The following DNAJC21 variants were observed in gnomAD, a reference collection of about 807,000 sequenced individuals.
DNAJC21 encodes the protein dnaJ homolog subfamily C member 21.
Under a neutral mutation model 72.4 loss-of-function variants are expected in DNAJC21, and 63 were observed. The observed-to-expected ratio is 0.87, with a 90% CI of 0.71 to 1.07. The LOEUF (loss-of-function observed/expected upper bound fraction) is 1.07. DNAJC21 is among the 50% of genes least tolerant of loss of function. DNAJC21 has a pLI of 0.00. For synonymous variants in DNAJC21, 203 were observed against 216.7 expected (o/e 0.94, Z 0.56); for missense variants, 634 against 644.8 (o/e 0.98, Z 0.18).
intron 7 of DNAJC21, among the ~76,000 whole-genome samples, chr5:34,943,751 C>G (rs1464461992): frequency 6.6e-6 from 1 of 152,188 alleles, no homozygotes; most frequent in Non-Finnish European, 1.5e-5. Context: ...TCAGTTAGCA[C>G]TTGGCCTTCT....
intron 6 of DNAJC21, among the ~76,000 whole-genome samples, chr5:34,939,417 C>T (rs1432007460): frequency 2.6e-5 from 4 of 152,164 alleles, no homozygotes; most frequent in Non-Finnish European, 5.9e-5. Context: ...AGGCGCCCGC[C>T]ACCGCGCCCG....
intron 9 of DNAJC21, 78 bp downstream of exon 9, chr5:34,945,881 G>A (rs1459364310): frequency 1.0e-6 from 1 of 952,998 alleles, no homozygotes. Context: ...TGTAGTCTGT[G>A]TTAAGGAGAG....
At chr5:34,951,622 G>A (rs370919077) in intron 10 of DNAJC21, 3 of 930,404 alleles carry the variant, frequency 3.2e-6, no homozygotes. Context: ...CCGCCTCCTG[G>A]GTTCAAGCAA....
At chr5:34,930,500 G>C (rs1181250076) in intron 1 of DNAJC21, 2 of 151,834 alleles carry the variant, frequency 1.3e-5, no homozygotes, top group Admixed American at 1.3e-4. Context: ...CTTCACTTTG[G>C]ACATGATTCT....
chr5:34,948,087 C>T (rs1765232981), intron 9 of DNAJC21, among the ~76,000 whole-genome samples: 1 of 152,062 alleles, frequency 6.6e-6, no homozygotes, highest in Admixed American at 6.6e-5. Flanking sequence ...TAGCTGGGAA[C>T]CATATTCTTT....
rs115313351 is a variant in DNAJC21, at chr5:34,949,470, G to A, written c.1186-700G>A. The A allele has an allele frequency of 5.6e-3, 8,702 of 1,542,154 alleles. 48 individuals carry two copies. Among genetic ancestry groups the A allele is most frequent in the Middle Eastern group, 0.024 (140 of 5,922 alleles). ...GAGTAATTGGTAAATTTGAATGTGG[G>A]TTGTGTAACAGATAATATTAGCATT... On this transcript the variant is annotated intron_variant, in intron 9 of 11. Coordinates refer to ENST00000648817, the MANE Select transcript of DNAJC21 (RefSeq NM_001012339.3).
intron 9 of DNAJC21, chr5:34,949,534 G>A: frequency 1.3e-6 from 2 of 1,552,864 alleles, no homozygotes; most frequent in Middle Eastern, 1.7e-4. Context: ...AGAATGTTTT[G>A]ATTCTTAGGA....
chr5:34,939,545 G>A (rs536684571), intron 6 of DNAJC21, among the ~76,000 whole-genome samples: 7 of 152,288 alleles, frequency 4.6e-5, no homozygotes, highest in East Asian at 1.9e-4. Context: ...GATTACAGGC[G>A]TGAGCCACCG....
Position 34,954,843 on chromosome 5 carries a change from T to C in DNAJC21, c.*129T>C. ...ACATTGTGGAAGATTATTTTTTATC[T>C]TGTAAAAACACTTTTTTGGTTTAAT... On this transcript the variant is annotated 3_prime_UTR_variant, in exon 12 of 12. Coordinates refer to ENST00000648817, the MANE Select transcript of DNAJC21 (RefSeq NM_001012339.3). 9.1e-7 allele frequency: 1 copy of C among 1,093,306 alleles called. No individual in the cohort carries two copies. The highest frequency in any genetic ancestry group is 1.2e-6 in the Non-Finnish European group (1 of 811,758). The allele number at this position is 1,093,306 out of a possible 1,614,324, so 67.7% of individuals were successfully genotyped here. A position where few individuals can be genotyped will look rare whatever the true frequency, so the allele number is the denominator to read the frequency against.
At chr5:34,943,072 A>AT (rs1465201182) in intron 7 of DNAJC21, among the ~76,000 whole-genome samples, 1 of 152,206 alleles carries the variant, frequency 6.6e-6, no homozygotes, top group Non-Finnish European at 1.5e-5. Flanking sequence ...CCGTCTCAAA[A>AT]TAAAAAAAAA....
At chr5:34,933,644 C>G (rs1211811481) in intron 1 of DNAJC21, among the ~76,000 whole-genome samples, 171 bp from the exon 2 acceptor site, 1 of 152,040 alleles carries the variant, frequency 6.6e-6, no homozygotes, top group Non-Finnish European at 1.5e-5. Flanking sequence ...TAGATTGTTG[C>G]TTTTAACAAA....
chr5:34,954,476 A>G, intron 11 of DNAJC21, 77 bp from the exon 12 acceptor site: 1 of 1,459,286 alleles, frequency 6.9e-7, no homozygotes, highest in Middle Eastern at 1.8e-4. Context: ...TTGATGCTTA[A>G]TCTTGATATT....
chr5:34,937,922 G>A (rs1764849008), intron 5 of DNAJC21, among the ~76,000 whole-genome samples: 1 of 152,072 alleles, frequency 6.6e-6, no homozygotes, highest in East Asian at 1.9e-4. Flanking sequence ...AGCCTCCCAA[G>A]TAGCTGGGAT....
At chr5:34,953,754 C>G (rs1310684207) in intron 10 of DNAJC21, 172 bp from the exon 11 acceptor site, 2 of 426,330 alleles carry the variant, frequency 4.7e-6, no homozygotes, top group African/African-American at 2.1e-5. Flanking sequence ...TCTGAAGTTG[C>G]TTTTTAAAGA....
At chr5:34,946,713 A>T (rs1290521662) in intron 9 of DNAJC21, among the ~76,000 whole-genome samples, 1 of 152,172 alleles carries the variant, frequency 6.6e-6, no homozygotes, top group Non-Finnish European at 1.5e-5. Flanking sequence ...CAAACACCTT[A>T]TAATTATTAG....
At chr5:34,949,544 A>G (rs1765284313) in intron 9 of DNAJC21, 15 of 1,554,180 alleles carry the variant, frequency 9.7e-6, no homozygotes, top group Non-Finnish European at 1.1e-5. Flanking sequence ...GATTCTTAGG[A>G]TGTACCTGGC....
At chr5:34,942,159 T>C (rs1005272779) in intron 7 of DNAJC21, among the ~76,000 whole-genome samples, 2 of 152,116 alleles carry the variant, frequency 1.3e-5, no homozygotes, top group African/African-American at 4.8e-5. Flanking sequence ...TCTCCCTCCA[T>C]CATTGGTGTC....
chr5:34,941,511 C>A (rs900542617), intron 7 of DNAJC21, among the ~76,000 whole-genome samples: 8 of 150,630 alleles, frequency 5.3e-5, no homozygotes, highest in African/African-American at 1.9e-4. Context: ...GCGTGAGCCA[C>A]TGCATCCAGT....
chr5:34,943,982 C>CA (rs1432897530), intron 7 of DNAJC21, among the ~76,000 whole-genome samples: 1 of 152,116 alleles, frequency 6.6e-6, no homozygotes, highest in African/African-American at 2.4e-5. Context: ...CCATTATCTC[C>CA]AGGGCAGCTT....
Sources: gnomAD v4.1 joint callset for allele counts (sites outside exome capture counted in the v4.1 genomes callset) on GRCh38, gnomAD v4.1.1 for gene constraint, MANE v1.5 for transcripts, NCBI Gene and HGNC (gene_info 2026-07-23, HGNC 2026-07-21) for gene names.